The following INTS7 variants were observed in gnomAD, a reference collection of about 807,000 sequenced individuals.
INTS7 encodes integrator complex subunit 7.
In INTS7, 46 loss-of-function variants were observed where a neutral mutation model predicts 109.2. The observed-to-expected ratio is 0.42, with a 90% confidence interval of 0.33 to 0.54. The LOEUF (loss-of-function observed/expected upper bound fraction) is 0.54, where lower values mean the gene tolerates loss of function less well. Ranked by LOEUF, INTS7 falls within the 20% of genes least tolerant of loss-of-function variation. INTS7 has a pLI of 0.07. For missense variants in INTS7, 929 were observed against 1,132.4 expected (o/e 0.82, Z 2.58); for synonymous variants, 412 against 402.9 (o/e 1.02, Z -0.27).
intron 3 of INTS7, among the ~76,000 whole-genome samples, chr1:212,019,874 C>T (rs541305516): frequency 4.5e-4 from 68 of 152,294 alleles, no homozygotes; most frequent in African/African-American, 1.6e-3. Flanking sequence ...GATCAGAACA[C>T]CTATCTACAT....
chr1:212,014,490 G>C (rs1373612334), intron 4 of INTS7, among the ~76,000 whole-genome samples: 4 of 103,882 alleles, frequency 3.9e-5, no homozygotes, highest in Non-Finnish European at 8.2e-5. Flanking sequence ...AAAAAAAAAA[G>C]CTGAAGAGGA....
At position 212,007,468 on chromosome 1, in the gene INTS7, C is replaced by G; in HGVS notation, c.557-19G>C. ...GCTAAACCTAGACACAAAAATAATT[C>G]TCAAGGTATTTGTGATCACCATCCT... On this transcript the variant is annotated intron_variant, in intron 5 of 19. Coordinates refer to ENST00000366994, the MANE Select transcript of INTS7 (RefSeq NM_015434.4). The G allele has an allele frequency of 6.3e-7, 1 of 1,583,910 alleles. No homozygotes were observed. Among genetic ancestry groups the G allele is most frequent in the Non-Finnish European group, 8.7e-7 (1 of 1,152,704 alleles).
At position 212,016,914 on chromosome 1, in the gene INTS7, CA is replaced by C; in HGVS notation, c.480del (p.Phe160LeufsTer15). 6.2e-7 allele frequency: 1 copy of C among 1,607,770 alleles called. No homozygotes were observed. Among genetic ancestry groups the C allele is most frequent in the Admixed American group, 1.7e-5 (1 of 58,900 alleles). Reference sequence around the variant, plus strand: ...GACTGTGCAGAGAAGTTTGCAGCAGCAAAAACAGCAGCTTCAACTTCTACAT... The same window carrying C: ...GACTGTGCAGAGAAGTTTGCAGCAGCAAAACAGCAGCTTCAACTTCTACAT... The part of the protein sequence containing the change: ...HDNVEVEAAV[F>X]AAANFSAQSK... On this transcript the variant is annotated frameshift_variant, in exon 4 of 20. Transcript: ENST00000366994. LOFTEE classifies it high-confidence loss of function.
chr1:212,017,547 G>A (rs568200738), intron 3 of INTS7, among the ~76,000 whole-genome samples: 1 of 152,280 alleles, frequency 6.6e-6, no homozygotes, highest in Admixed American at 6.5e-5. Flanking sequence ...AATCAACAAC[G>A]GTGCAGAAGG....
At chr1:212,017,080 A>T in intron 3 of INTS7, 57 bp from the exon 4 acceptor site, 1 of 1,443,462 alleles carries the variant, frequency 6.9e-7, no homozygotes, top group Non-Finnish European at 9.3e-7. Context: ...AAGGTCAGAA[A>T]AGTAAGAGGC....
intron 15 of INTS7, 138 bp downstream of exon 15, chr1:211,967,740 T>C (rs938676618): frequency 2.8e-5 from 16 of 567,244 alleles, no homozygotes; most frequent in Non-Finnish European, 4.9e-5. Flanking sequence ...TCTGCTTATA[T>C]ATTTTAAAGG....
chr1:212,009,702 G>A (rs1245562264), intron 5 of INTS7, among the ~76,000 whole-genome samples: 1 of 152,206 alleles, frequency 6.6e-6, no homozygotes. Context: ...CCTTCCTTGA[G>A]TTATCTTAAT....
At chr1:211,962,658 G>T (rs1663691889) in intron 16 of INTS7, among the ~76,000 whole-genome samples, 1 of 152,082 alleles carries the variant, frequency 6.6e-6, no homozygotes, top group Non-Finnish European at 1.5e-5. Flanking sequence ...AAATGAAAAA[G>T]AATGAAAATA....
intron 15 of INTS7, among the ~76,000 whole-genome samples, chr1:211,967,450 T>TAA (rs1320464063): frequency 2.2e-5 from 1 of 45,482 alleles, no homozygotes. Context: ...AGACTCCATC[T>TAA]CAAAAAAAAA....
At chr1:211,976,831 ATT>A in intron 11 of INTS7, 112 bp from the exon 12 acceptor site, 1 of 964,350 alleles carries the variant, frequency 1.0e-6, no homozygotes, top group South Asian at 1.7e-5. Context: ...AAAGAACAAA[ATT>A]TGTTTTCCAA....
At chr1:212,033,876 AGT>A (rs1168734329) in intron 1 of INTS7, among the ~76,000 whole-genome samples, 2 of 152,082 alleles carry the variant, frequency 1.3e-5, no homozygotes, top group Non-Finnish European at 2.9e-5. Flanking sequence ...TGAGGTCAGG[AGT>A]TGGAGACCAG....
Position 211,987,582 on chromosome 1 carries a change from T to G in INTS7, c.997+304A>C, listed in dbSNP as rs554169990. Among the ~76,000 whole-genome samples, 8 of 152,022 alleles carry G rather than the reference T, an allele frequency of 5.3e-5. No homozygotes were observed. In the South Asian group the frequency reaches 1.7e-3, roughly 32 times the overall value. On this transcript the variant is annotated intron_variant, in intron 8 of 19. Coordinates refer to ENST00000366994, the MANE Select transcript of INTS7 (RefSeq NM_015434.4). ...ACTTAAATTCAAAGGGCACTTTGAG[T>G]CAGAGATACACAAAAGCAAACCAAC...
intron 4 of INTS7, among the ~76,000 whole-genome samples, chr1:212,014,410 A>T (rs1443111859): frequency 7.9e-6 from 1 of 127,270 alleles, no homozygotes; most frequent in Admixed American, 9.5e-5. Flanking sequence ...GGTTGCTGTG[A>T]CCCGAGATTG....
chr1:211,950,668 G>A (rs565437416), intron 17 of INTS7, among the ~76,000 whole-genome samples: 31 of 152,230 alleles, frequency 2.0e-4, no homozygotes, highest in Non-Finnish European at 1.5e-5. Flanking sequence ...TATGAGGCAG[G>A]TATGTTTTCT....
intron 13 of INTS7, among the ~76,000 whole-genome samples, chr1:211,973,152 C>A (rs1470690447): frequency 6.6e-6 from 1 of 152,058 alleles, no homozygotes. Flanking sequence ...TCCAACATTG[C>A]CCAGGCTGGT....
At chr1:211,986,062 A>G (rs1162779240) in intron 8 of INTS7, among the ~76,000 whole-genome samples, 1 of 152,230 alleles carries the variant, frequency 6.6e-6, no homozygotes, top group East Asian at 1.9e-4. Context: ...CCAATAAAGC[A>G]TTGGAAAACA....
intron 13 of INTS7, among the ~76,000 whole-genome samples, chr1:211,973,704 T>A (rs1436205768): frequency 6.6e-6 from 1 of 152,212 alleles, no homozygotes. Flanking sequence ...CAATCAGAGT[T>A]CTGGGAAGTT....
chr1:211,996,121 T>C (rs1665373778), intron 7 of INTS7, among the ~76,000 whole-genome samples: 4 of 152,260 alleles, frequency 2.6e-5, no homozygotes, highest in Middle Eastern at 3.4e-3. Context: ...CAACAGAGCT[T>C]ATAGAAAATA....
In INTS7 at chr1:211,957,254, T is replaced by C. The variant is rs528186796; in HGVS notation, c.2184-4553A>G. ...CAAAACTCTTACCAGTTTTATAAAA[T>C]TGGATTGTCAGCCGGGCATGGTGTC... is the stretch of plus-strand genomic sequence containing the variant. On this transcript the variant is annotated intron_variant, in intron 16 of 19. Coordinates refer to ENST00000366994, the MANE Select transcript of INTS7 (RefSeq NM_015434.4). Among the ~76,000 whole-genome samples the C allele has an allele frequency of 2.0e-5, 3 of 152,260 alleles. 1 individual carries two copies. In the South Asian group the frequency reaches 6.2e-4, roughly 32 times the overall value.
Sources: gnomAD v4.1 joint callset for allele counts (sites outside exome capture counted in the v4.1 genomes callset) on GRCh38, gnomAD v4.1.1 for gene constraint, MANE v1.5 for transcripts, NCBI Gene and HGNC (gene_info 2026-07-23, HGNC 2026-07-21) for gene names.